Variants in RMC1 observed in about 807,000 individuals in gnomAD.
RMC1 encodes the protein regulator of MON1-CCZ1.
A neutral mutation model predicts 95.5 loss-of-function variants in RMC1; 44 were observed. The observed-to-expected ratio is 0.46, with a 90% CI of 0.36 to 0.59. RMC1 has a LOEUF of 0.59. Among genes scored for constraint, RMC1 ranks in the 20% least tolerant of loss-of-function variants. The pLI is 0.00. For missense variants in RMC1, 705 were observed against 819.6 expected (o/e 0.86, Z 1.71); for synonymous variants, 320 against 303.6 (o/e 1.05, Z -0.56).
At chr18:23,506,601 GC>G in intron 2 of RMC1, 1 of 238,212 alleles carries the variant, frequency 4.2e-6, no homozygotes, top group South Asian at 4.8e-5. Context: ...TAATGAATGT[GC>G]TGTGAGATGC....
At chr18:23,529,997 G>C in intron 16 of RMC1, 31 bp from the exon 17 acceptor site, 7 of 1,563,352 alleles carry the variant, frequency 4.5e-6, no homozygotes, top group Non-Finnish European at 5.3e-6. Flanking sequence ...TGATTTGGAA[G>C]TGTTCTTTCA....
intron 3 of RMC1, 85 bp downstream of exon 3, chr18:23,507,139 G>A (rs574700133): frequency 1.0e-6 from 1 of 954,018 alleles, no homozygotes; most frequent in East Asian, 2.5e-5. Context: ...CAGTGTTAAA[G>A]GAAACTTTTA....
At chr18:23,531,432 T>TTAGA in intron 19 of RMC1, 193 bp from the exon 20 acceptor site, 6 of 1,197,696 alleles carry the variant, frequency 5.0e-6, no homozygotes, top group African/African-American at 1.5e-5. Flanking sequence ...TAAGGACAGG[T>TTAGA]TAGATAGAAT....
At chr18:23,515,663 G>C (rs970230835) in intron 5 of RMC1, among the ~76,000 whole-genome samples, 193 bp from the exon 6 acceptor site, 2 of 152,164 alleles carry the variant, frequency 1.3e-5, no homozygotes, top group Non-Finnish European at 2.9e-5. Flanking sequence ...CTTCTGAGTA[G>C]CTGGAATTAC....
chr18:23,518,709 C>G (rs1305226562), intron 7 of RMC1, among the ~76,000 whole-genome samples, 181 bp from the exon 8 acceptor site: 1 of 152,080 alleles, frequency 6.6e-6, no homozygotes, highest in Non-Finnish European at 1.5e-5. Flanking sequence ...AGTGTGTGTT[C>G]TCTTTTCCAC....
chr18:23,519,745 ACT>A (rs2058096472), intron 9 of RMC1, among the ~76,000 whole-genome samples: 1 of 151,948 alleles, frequency 6.6e-6, no homozygotes, highest in African/African-American at 2.4e-5. Flanking sequence ...GAGTACTTGA[ACT>A]CTCTGTTGCA....
chr18:23,512,589 T>A (rs1175668871), intron 5 of RMC1, among the ~76,000 whole-genome samples: 1 of 149,434 alleles, frequency 6.7e-6, no homozygotes, highest in Non-Finnish European at 1.5e-5. Flanking sequence ...CCCAACTTAA[T>A]TTTTTTTTCC....
At chr18:23,503,499 C>G, upstream of RMC1, 1 of 535,694 alleles carries the variant, frequency 1.9e-6, no homozygotes, top group Non-Finnish European at 2.8e-6. Context: ...AAGCGGCGTC[C>G]GCGCCGGGCC....
chr18:23,521,951 G>T (rs11872656), intron 10 of RMC1, among the ~76,000 whole-genome samples: 1 of 152,184 alleles, frequency 6.6e-6, no homozygotes, highest in African/African-American at 2.4e-5. Flanking sequence ...TGTGCAAGAC[G>T]TAGTCAGATG....
In RMC1 at chr18:23,515,496, G is replaced by A. The variant is rs191516237; in HGVS notation, c.409-360G>A. Reference sequence around the variant, plus strand: ...TTCTTCTGCTTTTTATTCTCAGAGCGCACTGTAAGGATCTTCTGACAGTTT... The same window carrying A: ...TTCTTCTGCTTTTTATTCTCAGAGCACACTGTAAGGATCTTCTGACAGTTT... On this transcript the variant is annotated intron_variant, in intron 5 of 19. Coordinates refer to ENST00000269221, the MANE Select transcript of RMC1 (RefSeq NM_013326.5). Among the ~76,000 whole-genome samples the A allele has an allele frequency of 3.9e-5, 6 of 152,190 alleles. No individual in the cohort carries two copies. The East Asian group carries it at 1.2e-3, about 29-fold the overall frequency.
At chr18:23,527,768 C>A in intron 13 of RMC1, 27 bp from the exon 14 acceptor site, 1 of 1,581,236 alleles carries the variant, frequency 6.3e-7, no homozygotes, top group Non-Finnish European at 8.7e-7. Flanking sequence ...TTGGTTTGAT[C>A]CGTGTGTGAA....
At chr18:23,522,351 G>T (rs1011768177) in intron 10 of RMC1, 2 of 151,490 alleles carry the variant, frequency 1.3e-5, no homozygotes, top group African/African-American at 4.8e-5. Flanking sequence ...TGAATTGGGG[G>T]AAAAAAACTA....
chr18:23,519,221 C>CTTG (rs2058084825), intron 9 of RMC1, 47 bp downstream of exon 9: 1 of 1,562,174 alleles, frequency 6.4e-7, no homozygotes, highest in South Asian at 1.1e-5. Flanking sequence ...GCTTAAAAGC[C>CTTG]TTGTGAAAAT....
At chr18:23,507,207 C>T (rs559494357) in intron 3 of RMC1, among the ~76,000 whole-genome samples, 153 bp downstream of exon 3, 11 of 152,114 alleles carry the variant, frequency 7.2e-5, no homozygotes, top group Admixed American at 3.9e-4. Context: ...CCTTCAAAAA[C>T]GAAAAAGACA....
Position 23,527,862 on chromosome 18 carries a change from G to A in RMC1, c.1257G>A (p.Glu419=). Residue 419 remains glutamate, a synonymous_variant, in exon 14 of 20, where the codon GAG becomes GAA. Coordinates refer to ENST00000269221, the MANE Select transcript of RMC1 (RefSeq NM_013326.5). ...CTGTTTTTGATAAACTCAACCATGA[G>A]TATAAAAAGTACCTGGATGCCGAGC... ...IATVFDKLNH[E]YKKYLDAEQS... The A allele has an allele frequency of 1.9e-6, 3 of 1,614,106 alleles. No individual in the cohort carries two copies. The highest frequency in any genetic ancestry group is 2.5e-6 in the Non-Finnish European group (3 of 1,180,000).
At chr18:23,523,055 T>C (rs762042388) in intron 10 of RMC1, 8 of 152,324 alleles carry the variant, frequency 5.3e-5, no homozygotes, top group South Asian at 2.1e-4. Flanking sequence ...CACCTGACAG[T>C]GTGTAGGTCA....
intron 12 of RMC1, among the ~76,000 whole-genome samples, chr18:23,525,216 G>T (rs1416414702): frequency 6.6e-6 from 1 of 151,878 alleles, no homozygotes; most frequent in Non-Finnish European, 1.5e-5. Context: ...AAAGTGCTGG[G>T]ATTACAGGCA....
chr18:23,527,722 A>G, intron 13 of RMC1, 73 bp from the exon 14 acceptor site: 2 of 1,195,196 alleles, frequency 1.7e-6, no homozygotes, highest in Non-Finnish European at 2.5e-6. Context: ...AGTTTTTATC[A>G]TAGCAACGTG....
At chr18:23,530,332 A>G (rs1461865613) in intron 18 of RMC1, 35 bp downstream of exon 18, 20 of 1,613,946 alleles carry the variant, frequency 1.2e-5, no homozygotes, top group East Asian at 2.2e-5. Flanking sequence ...GACTATGGAA[A>G]CTAACTCTGT....
Sources: allele counts gnomAD v4.1 joint callset (sites outside exome capture counted in the v4.1 genomes callset), GRCh38; gene constraint gnomAD v4.1.1; transcripts MANE v1.5; gene names NCBI Gene and HGNC (gene_info 2026-07-23, HGNC 2026-07-21).